The following EPN1 variants were observed in gnomAD, a reference collection of about 807,000 sequenced individuals.
EPN1 encodes the protein epsin 1.
EPN1 carries 25 observed loss-of-function variants against 56.9 expected under a neutral mutation model. The ratio of observed to expected loss-of-function variants is 0.44; its 90% CI spans 0.32 to 0.61. The LOEUF is 0.61. Ranked by LOEUF, EPN1 falls within the 20% of genes least tolerant of loss-of-function variation. The pLI is 0.05. For missense variants in EPN1, 785 were observed against 823.7 expected (o/e 0.95, Z 0.58); for synonymous variants, 411 against 361.8 (o/e 1.14, Z -1.54).
At chr19:55,676,612 C>T (rs1985449758) in intron 1 of EPN1, 1 of 153,214 alleles carries the variant, frequency 6.5e-6, no homozygotes, top group Non-Finnish European at 1.5e-5. Flanking sequence ...AATCAACAGG[C>T]CTACCAGGTA....
chr19:55,677,094 G>A (rs1039229301), intron 1 of EPN1: 9 of 1,539,868 alleles, frequency 5.8e-6, no homozygotes, highest in African/African-American at 5.5e-5. Context: ...GCCTCTCTCC[G>A]TCATCCCTAT....
chr19:55,691,185 CAGT>C lies in EPN1; in HGVS notation c.763-568_763-566del, dbSNP rs766289351. Among the ~76,000 whole-genome samples, 67 of 152,040 alleles carry C rather than the reference CAGT, an allele frequency of 4.4e-4. 1 individual carries two copies. The highest frequency in any genetic ancestry group is 6.9e-4 in the Non-Finnish European group (47 of 67,968). On this transcript the variant is annotated intron_variant, in intron 6 of 10. Transcript: ENST00000270460. This position sits in a 1 kb window ranked among gnomAD's most constrained non-coding sequence, Gnocchi z 5.6. ...CTGCAGTGCGATGACTGCGGGGTGACAGTGGGGCAATGGGCGTGGGAAGGCCTG... is the reference window on the plus strand; with the variant it reads ...CTGCAGTGCGATGACTGCGGGGTGACGGGGCAATGGGCGTGGGAAGGCCTG...
chr19:55,690,189 C>T (rs1007591173), intron 6 of EPN1, among the ~76,000 whole-genome samples: 7 of 152,256 alleles, frequency 4.6e-5, no homozygotes, highest in African/African-American at 1.4e-4. Context: ...CATCCCCCTT[C>T]GGGCTGAGCA....
In EPN1 at chr19:55,708,621, T is replaced by C. The variant is rs932437296; in HGVS notation, c.*13265T>C. On this transcript the variant is annotated 3_prime_UTR_variant, in exon 11 of 11. Transcript: ENST00000270460. ...CACACCAAGACATCCATTAAGAAAA[T>C]AAAGCCATGCTTTCCAGAGCGTTTA... 7.7e-5 allele frequency: 18 copies of C among 233,418 alleles called. No homozygotes were observed. The highest frequency in any genetic ancestry group is 1.4e-4 in the Non-Finnish European group (17 of 121,472). 14.5% of individuals were successfully genotyped at this position (233,418 alleles called of 1,614,324 possible).
At chr19:55,678,253 C>T (rs1985571347) in intron 1 of EPN1, among the ~76,000 whole-genome samples, 1 of 152,214 alleles carries the variant, frequency 6.6e-6, no homozygotes, top group Non-Finnish European at 1.5e-5. Context: ...GCAAAAGATC[C>T]AGCCCGCCCA....
In EPN1 at chr19:55,695,446, T is replaced by C. The variant is rs1394836939; in HGVS notation, c.*90T>C. The C allele has an allele frequency of 1.4e-6, 1 of 699,124 alleles. No homozygotes were observed. Among genetic ancestry groups the C allele is most frequent in the Non-Finnish European group, 2.4e-6 (1 of 420,610 alleles). 43.3% of individuals were successfully genotyped at this position (699,124 alleles called of 1,614,324 possible). A position where few individuals can be genotyped will look rare whatever the true frequency, so the allele number is the denominator to read the frequency against. On this transcript the variant is annotated 3_prime_UTR_variant, in exon 11 of 11. Coordinates refer to ENST00000270460, the MANE Select transcript of EPN1 (RefSeq NM_001130072.2). The surrounding 1 kb of genome is among the most constrained non-coding windows in gnomAD (Gnocchi z 4.4). ...TTGTGAGTGCATGTGAAATGGGGGA[T>C]CCCCACCCCCAGTGCCCTTCCCCTT...
intron 3 of EPN1, among the ~76,000 whole-genome samples, chr19:55,687,406 G>C (rs1263957105): frequency 6.6e-6 from 1 of 152,196 alleles, no homozygotes. Context: ...GAAGGCCCGG[G>C]TGTTGCTGGC....
At chr19:55,680,166 G>A (rs1381340190) in intron 2 of EPN1, among the ~76,000 whole-genome samples, 2 of 152,298 alleles carry the variant, frequency 1.3e-5, no homozygotes, top group African/African-American at 2.4e-5. Flanking sequence ...GGCGGGGCTT[G>A]GGCTGCTTTA....
At position 55,692,738 on chromosome 19, in the gene EPN1, G is replaced by C. The variant is rs778747390; in HGVS notation, c.1119G>C (p.Pro373=). The change falls in exon 8 of 11, where the codon CCG becomes CCC. Residue 373 remains proline, a synonymous_variant. Transcript: ENST00000270460. ...PSASDPWTPA[P]AFSDPWGGSP... ...CCTCCGATCCCTGGACACCGGCCCC[G>C]GCCTTCTCAGATCCCTGGGGAGGGT... The C allele has an allele frequency of 6.3e-7, 1 of 1,576,726 alleles. No homozygotes were observed. The highest frequency in any genetic ancestry group is 1.9e-5 in the Admixed American group (1 of 53,578).
At position 55,685,499 on chromosome 19, in the gene EPN1, A is replaced by T; in HGVS notation, c.332A>T (p.Tyr111Phe). ...GTGCAGACGCTGAAGGACTTCCAGT[A>T]CGTGGACCGCGACGGCAAGGACCAG... ...YAVQTLKDFQ[Y>F]VDRDGKDQGV... The change falls in exon 3 of 11, where the codon TAC (tyrosine) becomes TTC (phenylalanine). Residue 111 changes from tyrosine to phenylalanine, a missense_variant. Tyr to Phe is a conservative substitution (Grantham distance 22, BLOSUM62 3). This residue lies in a region of EPN1 where 135 missense variants were observed against 218.7 expected (regional missense o/e 0.62). Coordinates refer to ENST00000270460, the MANE Select transcript of EPN1 (RefSeq NM_001130072.2). 6.2e-7 allele frequency: 1 copy of T among 1,612,984 alleles called. No individual in the cohort carries two copies. Among genetic ancestry groups the T allele is most frequent in the Non-Finnish European group, 8.5e-7 (1 of 1,179,516 alleles).
chr19:55,687,924 G>C (rs1022273233), intron 3 of EPN1, among the ~76,000 whole-genome samples: 2 of 152,192 alleles, frequency 1.3e-5, no homozygotes, highest in Admixed American at 6.5e-5. Context: ...CGGGCAAGGG[G>C]AGCCAGGGCC....
In EPN1 at chr19:55,702,055, A is replaced by C. The variant is rs566672079; in HGVS notation, c.*6699A>C. The C allele has an allele frequency of 7.1e-6, 1 of 141,502 alleles. No homozygotes were observed. Among genetic ancestry groups the C allele is most frequent in the East Asian group, 2.1e-4 (1 of 4,680 alleles). The allele number at this position is 141,502 out of a possible 1,614,324, so 8.8% of individuals were successfully genotyped here. On this transcript the variant is annotated 3_prime_UTR_variant, in exon 11 of 11. Coordinates refer to ENST00000270460, the MANE Select transcript of EPN1 (RefSeq NM_001130072.2). Reference sequence around the variant, plus strand: ...TGGCTCACTGCAACCTCCGCCTCCCAGGTTCAAGCAATTCTCGTGCCTCAG... The same window carrying C: ...TGGCTCACTGCAACCTCCGCCTCCCCGGTTCAAGCAATTCTCGTGCCTCAG...
chr19:55,681,420 A>C (rs1292001024), intron 2 of EPN1, among the ~76,000 whole-genome samples: 1 of 152,214 alleles, frequency 6.6e-6, no homozygotes, highest in Non-Finnish European at 1.5e-5. Flanking sequence ...TGGGCCCTGC[A>C]CTGCCACCTC....
Position 55,706,280 on chromosome 19 carries a change from C to CTTTTTTTT in EPN1, c.*10926_*10927insTTTTTTTT, listed in dbSNP as rs1323034565. On this transcript the variant is annotated 3_prime_UTR_variant, in exon 11 of 11. Coordinates refer to ENST00000270460, the MANE Select transcript of EPN1 (RefSeq NM_001130072.2). Reference sequence around the variant, plus strand: ...TTTCTTCCTTTCTTCTCTTTTTCTTCTTCTTTTTTTTTTTTTTTTAAAAGA... The same window carrying CTTTTTTTT: ...TTTCTTCCTTTCTTCTCTTTTTCTTCTTTTTTTTTTCTTTTTTTTTTTTTTTTAAAAGA... 0.012 allele frequency: 1,540 copies of CTTTTTTTT among 129,054 alleles called. 21 individuals are homozygous for CTTTTTTTT. The highest frequency in any genetic ancestry group is 0.017 in the Non-Finnish European group (1,089 of 63,056). The allele number at this position is 129,054 out of a possible 1,614,324, so 8.0% of individuals were successfully genotyped here.
At chr19:55,692,422 G>A (rs568433333) in intron 7 of EPN1, among the ~76,000 whole-genome samples, 6 of 152,138 alleles carry the variant, frequency 3.9e-5, no homozygotes, top group Middle Eastern at 3.4e-3. Context: ...AGGGGTGGCC[G>A]AGCCGTGGGA....
At chr19:55,677,534 A>G in intron 1 of EPN1, 2 of 1,444,608 alleles carry the variant, frequency 1.4e-6, no homozygotes, top group Non-Finnish European at 1.9e-6. Context: ...CCTTGGTTGA[A>G]TTATTTAACT....
rs202102235 is a variant in EPN1, at chr19:55,692,964, C to T, written c.1191C>T (p.Phe397=). 1.8e-4 allele frequency: 285 copies of T among 1,613,436 alleles called. No homozygotes were observed. In the African/African-American group the frequency reaches 3.0e-3, roughly 17 times the overall value. Residue 397 remains phenylalanine, a synonymous_variant, in exon 9 of 11, where the codon TTC becomes TTT. Coordinates refer to ENST00000270460, the MANE Select transcript of EPN1 (RefSeq NM_001130072.2). The part of the protein sequence containing the change: ...STNGTTAAGG[F]DTEPDEFSDF... ...CTGACCCCACAGCAGCCGGGGGATT[C>T]GACACGGAGCCCGACGAGTTCTCTG...
intron 7 of EPN1, among the ~76,000 whole-genome samples, chr19:55,692,442 G>A (rs1316190416): frequency 6.6e-6 from 1 of 151,992 alleles, no homozygotes; most frequent in Non-Finnish European, 1.5e-5. Context: ...AGCTGAGGGA[G>A]GGCTGGGCAG....
intron 3 of EPN1, among the ~76,000 whole-genome samples, chr19:55,687,037 C>A (rs980637164): frequency 7.2e-5 from 11 of 152,002 alleles, no homozygotes; most frequent in African/African-American, 2.4e-4. Flanking sequence ...GCAGCTGCAC[C>A]CCTCCGACAC....
Sources: gnomAD v4.1 joint callset for allele counts (sites outside exome capture counted in the v4.1 genomes callset) on GRCh38, gnomAD v4.1.1 for gene constraint, gnomAD v4.1.1 regional missense constraint, Gnocchi (gnomAD v3.1) non-coding constraint, MANE v1.5 for transcripts, NCBI Gene and HGNC (gene_info 2026-07-23, HGNC 2026-07-21) for gene names.